Variants in RIMBP2 observed in about 807,000 individuals in gnomAD.
RIMBP2 encodes the protein RIMS binding protein 2.
A neutral mutation model predicts 118.6 loss-of-function variants in RIMBP2; 48 were observed. That is an observed-to-expected ratio of 0.40 (90% CI 0.32 to 0.51). The LOEUF is 0.51. Among genes scored for constraint, RIMBP2 ranks in the 20% least tolerant of loss-of-function variants. The pLI is 0.41. For synonymous variants in RIMBP2, 762 were observed against 742.9 expected, an observed-to-expected ratio of 1.03 and a Z score of -0.42; for missense variants, 1,551 against 1,768.3, an observed-to-expected ratio of 0.88 and a Z score of 2.20.
intron 6 of RIMBP2, among the ~76,000 whole-genome samples, chr12:130,457,140 C>G (rs557947620): frequency 6.6e-6 from 1 of 152,306 alleles, no homozygotes; most frequent in East Asian, 1.9e-4. Context: ...TGATGCGGCC[C>G]AGACTCAGGG....
At chr12:130,428,136 C>A (rs1298101291) in intron 15 of RIMBP2, 43 bp downstream of exon 15, 1 of 1,542,588 alleles carries the variant, frequency 6.5e-7, no homozygotes, top group Non-Finnish European at 8.7e-7. Context: ...GATGGAGCTA[C>A]TCTGGGGACG....
At chr12:130,516,567 G>A (rs1199003556) in intron 3 of RIMBP2, among the ~76,000 whole-genome samples, 3 of 152,348 alleles carry the variant, frequency 2.0e-5, no homozygotes, top group Non-Finnish European at 2.9e-5. Flanking sequence ...TAGAGTGGAC[G>A]TTAGAGCCAC....
intron 1 of RIMBP2, among the ~76,000 whole-genome samples, chr12:130,682,808 C>T (rs1302397693): frequency 2.0e-5 from 3 of 152,208 alleles, no homozygotes; most frequent in South Asian, 2.1e-4. Context: ...ACTCATTGGC[C>T]AAAGCCGTGC....
chr12:130,650,078 C>T (rs2063165960), intron 1 of RIMBP2, among the ~76,000 whole-genome samples: 1 of 151,942 alleles, frequency 6.6e-6, no homozygotes, highest in Non-Finnish European at 1.5e-5. Flanking sequence ...TGGGGTGAAC[C>T]CTCGGGGAGA....
chr12:130,612,665 G>A (rs1044910673), intron 2 of RIMBP2, among the ~76,000 whole-genome samples: 2 of 152,188 alleles, frequency 1.3e-5, no homozygotes, highest in Non-Finnish European at 1.5e-5. Flanking sequence ...AATGCAAAAC[G>A]GGAGAAACCT....
chr12:130,632,240 C>T (rs965840301), intron 1 of RIMBP2, among the ~76,000 whole-genome samples: 12 of 152,216 alleles, frequency 7.9e-5, no homozygotes, highest in Admixed American at 2.6e-4. Context: ...TGCTGACTAC[C>T]TCCTTTTAGT....
At chr12:130,546,989 T>C (rs2055243088) in intron 2 of RIMBP2, among the ~76,000 whole-genome samples, 1 of 152,272 alleles carries the variant, frequency 6.6e-6, no homozygotes, top group Admixed American at 6.5e-5. Flanking sequence ...ATCTCCCCAG[T>C]GCTGGGGAGG....
intron 1 of RIMBP2, among the ~76,000 whole-genome samples, chr12:130,687,768 A>C (rs1469964108): frequency 1.3e-5 from 2 of 152,188 alleles, no homozygotes; most frequent in Non-Finnish European, 2.9e-5. Context: ...GGAAGAATAT[A>C]TGGGCTTTTA....
intron 9 of RIMBP2, among the ~76,000 whole-genome samples, chr12:130,448,366 C>T (rs998604730): frequency 1.3e-5 from 2 of 152,210 alleles, no homozygotes; most frequent in Admixed American, 6.5e-5. Flanking sequence ...GAACGCAAAC[C>T]CAGTGGCCCT....
intron 2 of RIMBP2, among the ~76,000 whole-genome samples, chr12:130,544,931 C>T (rs1030589063): frequency 2.6e-4 from 40 of 152,260 alleles, no homozygotes; most frequent in African/African-American, 9.1e-4. Flanking sequence ...GAAACTGTAG[C>T]ACAGTGCATC....
At chr12:130,610,551 CTTTT>C (rs386378269) in intron 2 of RIMBP2, among the ~76,000 whole-genome samples, 2 of 81,548 alleles carry the variant, frequency 2.5e-5, no homozygotes, top group Non-Finnish European at 4.7e-5. Context: ...AATTTTCCTG[CTTTT>C]TTTTTTTTTT....
chr12:130,437,555 C>T (rs903008621), intron 12 of RIMBP2, among the ~76,000 whole-genome samples: 1 of 152,212 alleles, frequency 6.6e-6, no homozygotes, highest in Non-Finnish European at 1.5e-5. Flanking sequence ...TATCTCCCAT[C>T]CTCTGGACCC....
chr12:130,521,745 T>C (rs1463592610), intron 2 of RIMBP2, among the ~76,000 whole-genome samples: 3 of 152,228 alleles, frequency 2.0e-5, no homozygotes, highest in Non-Finnish European at 2.9e-5. Flanking sequence ...ACCCCCGTCT[T>C]AGCTTTGTGA....
At chr12:130,693,937 T>C (rs773230082) in intron 1 of RIMBP2, among the ~76,000 whole-genome samples, 4 of 152,180 alleles carry the variant, frequency 2.6e-5, no homozygotes, top group African/African-American at 4.8e-5. Flanking sequence ...GTCATCAAGA[T>C]GGCAGAGCAG....
rs1489173320 is a variant in RIMBP2 at position 130,419,231 on chromosome 12, C to G, written c.3238+3222G>C. 6.6e-6 allele frequency among the ~76,000 whole-genome samples: 1 copy of G among 152,172 alleles called. No individual in the cohort carries two copies. The highest frequency in any genetic ancestry group is 2.4e-5 in the African/African-American group (1 of 41,442). On this transcript the variant is annotated intron_variant, in intron 17 of 22. Coordinates refer to ENST00000690449, the MANE Select transcript of RIMBP2 (RefSeq NM_001393629.1). The surrounding 1 kb of genome is among the most constrained non-coding windows in gnomAD (Gnocchi z 4.3). Reference sequence around the variant, plus strand: ...AGGCGAGACTGAAAGAAGCACTTACCTACAGCTGTCTGTCTGACCCTGGGG... The same window carrying G: ...AGGCGAGACTGAAAGAAGCACTTACGTACAGCTGTCTGTCTGACCCTGGGG...
chr12:130,411,066 G>A (rs2075672638), intron 19 of RIMBP2, among the ~76,000 whole-genome samples: 1 of 152,158 alleles, frequency 6.6e-6, no homozygotes, highest in African/African-American at 2.4e-5. Context: ...CACGTGTTTT[G>A]TTAGACTTAA....
intron 2 of RIMBP2, among the ~76,000 whole-genome samples, chr12:130,606,479 T>C (rs2060195100): frequency 6.6e-6 from 1 of 152,220 alleles, no homozygotes; most frequent in South Asian, 2.1e-4. Flanking sequence ...TAGGTGGCTG[T>C]CACCGCATCA....
intron 7 of RIMBP2, among the ~76,000 whole-genome samples, chr12:130,453,363 C>T (rs1234100137): frequency 2.0e-5 from 3 of 152,256 alleles, no homozygotes; most frequent in East Asian, 1.9e-4. Flanking sequence ...ACAGCACATC[C>T]ACCCGGGACC....
At chr12:130,570,895 A>G (rs2057583671) in intron 2 of RIMBP2, among the ~76,000 whole-genome samples, 2 of 152,222 alleles carry the variant, frequency 1.3e-5, no homozygotes, top group South Asian at 4.1e-4. Context: ...TGGATAAAGG[A>G]GAAATTAACT....
Sources: allele counts gnomAD v4.1 joint callset (sites outside exome capture counted in the v4.1 genomes callset), GRCh38; gene constraint gnomAD v4.1.1; non-coding constraint Gnocchi (gnomAD v3.1); transcripts MANE v1.5; gene names NCBI Gene and HGNC (gene_info 2026-07-23, HGNC 2026-07-21).